The following EFR3A variants were observed in gnomAD, a reference collection of about 807,000 sequenced individuals.
EFR3A encodes protein EFR3 homolog A.
A neutral mutation model predicts 104.4 loss-of-function variants in EFR3A; 76 were observed. The observed-to-expected ratio is 0.73, with a 90% CI of 0.60 to 0.88. The LOEUF (loss-of-function observed/expected upper bound fraction) is 0.88, where lower values mean the gene tolerates loss of function less well. Among genes scored for constraint, EFR3A ranks in the 40% least tolerant of loss-of-function variants. The pLI, the probability that EFR3A is intolerant of heterozygous loss-of-function variation, is 0.00. For synonymous variants in EFR3A, 330 were observed against 330.0 expected, an observed-to-expected ratio of 1.00 and a Z score of 0.00; for missense variants, 985 against 1,012.5, an observed-to-expected ratio of 0.97 and a Z score of 0.37.
chr8:131,911,115 A>T (rs1206993625), intron 1 of EFR3A, among the ~76,000 whole-genome samples: 1 of 152,148 alleles, frequency 6.6e-6, no homozygotes, highest in Non-Finnish European at 1.5e-5. Context: ...ATGTAATTTG[A>T]AGCAATTCAA....
intron 1 of EFR3A, among the ~76,000 whole-genome samples, chr8:131,926,199 C>A (rs903886923): frequency 2.6e-5 from 4 of 152,172 alleles, no homozygotes; most frequent in Admixed American, 1.3e-4. Flanking sequence ...AAGGCTAATT[C>A]ATTGATCAAG....
At chr8:131,906,887 A>G (rs918484554) in intron 1 of EFR3A, among the ~76,000 whole-genome samples, 3 of 152,296 alleles carry the variant, frequency 2.0e-5, no homozygotes, top group Admixed American at 6.5e-5. Flanking sequence ...TTCTCCATTC[A>G]AAGGACCATT....
chr8:131,953,556 G>T (rs928466211), intron 5 of EFR3A, among the ~76,000 whole-genome samples: 1 of 152,040 alleles, frequency 6.6e-6, no homozygotes, highest in African/African-American at 2.4e-5. Flanking sequence ...TTGAAAAATA[G>T]ATATTTCTGT....
At chr8:131,989,703 C>G (rs1049627548) in intron 18 of EFR3A, among the ~76,000 whole-genome samples, 2 of 152,154 alleles carry the variant, frequency 1.3e-5, no homozygotes, top group African/African-American at 4.8e-5. Context: ...ATATCAAGCA[C>G]TGTTATAACT....
chr8:131,986,129 T>G (rs1291516742), intron 16 of EFR3A, 65 bp from the exon 17 acceptor site: 10 of 745,812 alleles, frequency 1.3e-5, no homozygotes, highest in Non-Finnish European at 2.2e-5. Context: ...GTTTTCTGAA[T>G]TTTTATAGCA....
intron 1 of EFR3A, among the ~76,000 whole-genome samples, chr8:131,909,915 C>T (rs1488550251): frequency 6.6e-6 from 1 of 152,174 alleles, no homozygotes; most frequent in East Asian, 1.9e-4. Flanking sequence ...CCATACTATG[C>T]CCGCAGCCTG....
chr8:131,966,806 G>A (rs1042610406), intron 8 of EFR3A, among the ~76,000 whole-genome samples: 2 of 152,108 alleles, frequency 1.3e-5, no homozygotes, highest in African/African-American at 4.8e-5. Context: ...CAGTGTAAGG[G>A]CAAATTTTAC....
At chr8:132,006,213 A>G (rs1332473184) in intron 22 of EFR3A, among the ~76,000 whole-genome samples, 1 of 152,144 alleles carries the variant, frequency 6.6e-6, no homozygotes, top group East Asian at 1.9e-4. Flanking sequence ...AGCTAAACTA[A>G]GTATATCAGA....
At chr8:132,009,079 G>A (rs1417252171) in intron 22 of EFR3A, among the ~76,000 whole-genome samples, 2 of 151,690 alleles carry the variant, frequency 1.3e-5, no homozygotes, top group African/African-American at 4.8e-5. Context: ...GATATACCAG[G>A]AAAATATAAG....
At chr8:131,909,595 C>T (rs1175595828) in intron 1 of EFR3A, among the ~76,000 whole-genome samples, 1 of 152,068 alleles carries the variant, frequency 6.6e-6, no homozygotes, top group Admixed American at 6.5e-5. Context: ...TCTTTGCAGG[C>T]CTGTCTGTAC....
At chr8:131,979,496 A>G in intron 14 of EFR3A, 75 bp downstream of exon 14, 1 of 1,046,418 alleles carries the variant, frequency 9.6e-7, no homozygotes, top group Non-Finnish European at 1.4e-6. Flanking sequence ...TTTTATATTG[A>G]TCTGTGCCCT....
At chr8:131,981,585 A>G (rs1478764092) in intron 14 of EFR3A, among the ~76,000 whole-genome samples, 2 of 152,098 alleles carry the variant, frequency 1.3e-5, no homozygotes, top group African/African-American at 4.8e-5. Flanking sequence ...TGAAACCTTA[A>G]CTAGCAACTC....
chr8:131,911,291 A>T (rs190676419), intron 1 of EFR3A, among the ~76,000 whole-genome samples: 27 of 152,244 alleles, frequency 1.8e-4, no homozygotes, highest in Non-Finnish European at 2.6e-4. Flanking sequence ...ACCTTTTAAC[A>T]TTATCTTATT....
chr8:132,003,513 C>A (rs548502293), intron 22 of EFR3A, among the ~76,000 whole-genome samples: 1 of 152,100 alleles, frequency 6.6e-6, no homozygotes, highest in African/African-American at 2.4e-5. Flanking sequence ...TTTTTAGCTT[C>A]TTTTTTAGAT....
At chr8:131,968,974 T>G (rs1183763103) in intron 9 of EFR3A, among the ~76,000 whole-genome samples, 3 of 152,218 alleles carry the variant, frequency 2.0e-5, no homozygotes, top group Non-Finnish European at 4.4e-5. Flanking sequence ...AAAGATTTAC[T>G]GTAATCTTCA....
chr8:131,933,506 AATG>A (rs1817721133), intron 1 of EFR3A, among the ~76,000 whole-genome samples: 3 of 152,250 alleles, frequency 2.0e-5, no homozygotes, highest in African/African-American at 7.2e-5. Context: ...TTTTTTTTCA[AATG>A]ATGATTCTAG....
Position 131,946,483 on chromosome 8 carries a change from G to T in EFR3A, c.216G>T (p.Gly72=), listed in dbSNP as rs773736614. 2 of 1,568,062 alleles carry T rather than the reference G, an allele frequency of 1.3e-6. No homozygotes were observed. Among genetic ancestry groups the T allele is most frequent in the East Asian group, 4.7e-5 (2 of 42,208 alleles). ...GACATTCTTTTTCTCCTACATGTAG[G>T]TATGTTTTGATTGCTATGGAGGCAC... ...LSRDVVRHRS[G]YVLIAMEALD... The change falls in exon 4 of 23, where the codon GGG becomes GGT. Residue 72 remains glycine (G), a splice_region_variant and synonymous_variant. Coordinates refer to ENST00000254624, the MANE Select transcript of EFR3A (RefSeq NM_015137.6).
At chr8:131,912,402 A>G (rs1299180296) in intron 1 of EFR3A, among the ~76,000 whole-genome samples, 2 of 152,240 alleles carry the variant, frequency 1.3e-5, no homozygotes, top group Non-Finnish European at 2.9e-5. Flanking sequence ...GCAAAATACT[A>G]TGAATCCTAT....
rs1231063848 is a variant in EFR3A at position 132,013,122 on chromosome 8, A to C, written c.*2227A>C. On this transcript the variant is annotated 3_prime_UTR_variant, in exon 23 of 23. Transcript: ENST00000254624. ...TAGCCAGTTCAGGTACTGAATATTT[A>C]GGATTTGGTGAAGTTCACTGTATTG... is the stretch of plus-strand genomic sequence containing the variant. 4 of 152,234 alleles carry C rather than the reference A, an allele frequency of 2.6e-5. No individual in the cohort carries two copies. Among genetic ancestry groups the C allele is most frequent in the Non-Finnish European group, 5.9e-5 (4 of 68,052 alleles). The allele number at this position is 152,234 out of a possible 1,614,324, so 9.4% of individuals were successfully genotyped here.
Sources: gnomAD v4.1 joint callset for allele counts (sites outside exome capture counted in the v4.1 genomes callset) on GRCh38, gnomAD v4.1.1 for gene constraint, MANE v1.5 for transcripts, NCBI Gene and HGNC (gene_info 2026-07-23, HGNC 2026-07-21) for gene names.